Variants in LAMP3 observed in about 807,000 individuals in gnomAD.
The protein encoded by LAMP3 is lysosome-associated membrane glycoprotein 3.
In LAMP3, 26 loss-of-function variants were observed where a neutral mutation model predicts 34.8. The ratio of observed to expected loss-of-function variants is 0.75; its 90% CI spans 0.55 to 1.04. The LOEUF is 1.04. Among genes scored for constraint, LAMP3 ranks in the 50% least tolerant of loss-of-function variants. LAMP3 has a pLI of 0.00. For synonymous variants in LAMP3, 180 were observed against 201.9 expected, an observed-to-expected ratio of 0.89 and a Z score of 0.92; for missense variants, 495 against 524.0, an observed-to-expected ratio of 0.94 and a Z score of 0.54.
chr3:183,152,306 C>G, intron 3 of LAMP3, 69 bp downstream of exon 3: 1 of 1,492,030 alleles, frequency 6.7e-7, no homozygotes, highest in Non-Finnish European at 9.0e-7. Context: ...GTTGCACCAC[C>G]TGGCCCCAGG....
chr3:183,135,155 T>C (rs1720043788), intron 5 of LAMP3, among the ~76,000 whole-genome samples: 1 of 152,194 alleles, frequency 6.6e-6, no homozygotes, highest in Non-Finnish European at 1.5e-5. Flanking sequence ...AGGCAGAAGT[T>C]AGAGGGAAAC....
intron 1 of LAMP3, 37 bp from the exon 2 acceptor site, chr3:183,154,428 C>A: frequency 1.4e-6 from 2 of 1,464,270 alleles, no homozygotes; most frequent in Non-Finnish European, 1.9e-6. Flanking sequence ...AAAACACTAA[C>A]CGATTGCTTA....
rs754567183 is a variant in LAMP3, at chr3:183,153,727, T to C, written c.714A>G (p.Ile238Met). 1.3e-6 allele frequency: 2 copies of C among 1,533,860 alleles called. No homozygotes were observed. The highest frequency in any genetic ancestry group is 2.6e-5 in the South Asian group (2 of 76,584). ...YQVLNGSRLC[I>M]KAEMGIQLIV... ...TCAGCTGTATCCCCATCTCTGCTTT[T>C]ATACAGAGTCTGCTTCCGTTTAGAA... The change falls in exon 2 of 6, where the codon ATA becomes ATG. Residue 238 changes from isoleucine (I) to methionine (M), a missense_variant. By Grantham distance (10) the Ile-to-Met change is conservative. Coordinates refer to ENST00000265598, the MANE Select transcript of LAMP3 (RefSeq NM_014398.4).
intron 5 of LAMP3, among the ~76,000 whole-genome samples, chr3:183,128,603 G>T (rs1240541092): frequency 6.6e-6 from 1 of 152,074 alleles, no homozygotes; most frequent in Non-Finnish European, 1.5e-5. Flanking sequence ...GTGTTCCCAG[G>T]CCCATAATTG....
rs374312545 is a variant in LAMP3 at position 183,124,029 on chromosome 3, G to A, written c.*52C>T. On this transcript the variant is annotated 3_prime_UTR_variant, in exon 6 of 6. Coordinates refer to ENST00000265598, the MANE Select transcript of LAMP3 (RefSeq NM_014398.4). ...GAATTTCCCAACATCCATCCTGGAA[G>A]GGATGAAAGAGTTCTCTAAATTCCA... The A allele has an allele frequency of 9.1e-4, 1,452 of 1,595,334 alleles. 2 individuals are homozygous for A. The highest frequency in any genetic ancestry group is 1.1e-3 in the Non-Finnish European group (1,322 of 1,163,748).
chr3:183,140,844 TATTCAA>T (rs1720262190), intron 3 of LAMP3, among the ~76,000 whole-genome samples: 1 of 152,196 alleles, frequency 6.6e-6, no homozygotes, highest in Admixed American at 6.5e-5. Context: ...TAGGGCCTGG[TATTCAA>T]ATTCCACCAG....
chr3:183,151,305 T>C (rs2108609934), intron 3 of LAMP3, among the ~76,000 whole-genome samples: 1 of 152,224 alleles, frequency 6.6e-6, no homozygotes, highest in South Asian at 2.1e-4. Flanking sequence ...GGCAAGTCTC[T>C]CCCAGGGGAG....
In LAMP3 at chr3:183,127,879, C is replaced by T. The variant is rs981707782; in HGVS notation, c.1118-3665G>A. On this transcript the variant is annotated intron_variant, in intron 5 of 5. Coordinates refer to ENST00000265598, the MANE Select transcript of LAMP3 (RefSeq NM_014398.4). ...GGGCACGGTGGCTCACGCCTGTAAT[C>T]CCAGCACTTTGGGAGGCTGAGGCAG... Among the ~76,000 whole-genome samples, 14 of 152,228 alleles carry T rather than the reference C, an allele frequency of 9.2e-5. No individual in the cohort carries two copies. The East Asian group carries it at 2.7e-3, about 29-fold the overall frequency.
intron 3 of LAMP3, among the ~76,000 whole-genome samples, chr3:183,149,494 G>A (rs547475518): frequency 1.0e-3 from 140 of 139,702 alleles, no homozygotes; most frequent in Middle Eastern, 8.2e-3. Flanking sequence ...GCAGTGAGCC[G>A]AGATCGCACC....
chr3:183,159,515 G>C (rs899077611), intron 1 of LAMP3, among the ~76,000 whole-genome samples: 1 of 152,172 alleles, frequency 6.6e-6, no homozygotes, highest in African/African-American at 2.4e-5. Context: ...GGAGCCCCAC[G>C]GCCATGTCCA....
chr3:183,126,474 C>G (rs1719781816), intron 5 of LAMP3, among the ~76,000 whole-genome samples: 1 of 151,918 alleles, frequency 6.6e-6, no homozygotes, highest in African/African-American at 2.4e-5. Flanking sequence ...TCCAATCACC[C>G]CATTTCTTCT....
chr3:183,145,129 A>G (rs1720401753), intron 3 of LAMP3, among the ~76,000 whole-genome samples: 2 of 152,182 alleles, frequency 1.3e-5, no homozygotes, highest in Admixed American at 1.3e-4. Context: ...AAAAGCAACT[A>G]TCCCACCAGG....
At position 183,153,673 on chromosome 3, in the gene LAMP3, C is replaced by A. The variant is rs374033531; in HGVS notation, c.759+9G>T. Reference sequence around the variant, plus strand: ...AAGATAGTGTTATAGTCCTGTGGCCCCAACTTACCGACTCCTTGTCTTGAA... The same window carrying A: ...AAGATAGTGTTATAGTCCTGTGGCCACAACTTACCGACTCCTTGTCTTGAA... On this transcript the variant is annotated intron_variant, in intron 2 of 5. Coordinates refer to ENST00000265598, the MANE Select transcript of LAMP3 (RefSeq NM_014398.4). The A allele has an allele frequency of 4.0e-6, 6 of 1,508,976 alleles. No homozygotes were observed. The African/African-American group carries it at 5.6e-5, about 14-fold the overall frequency. The allele number at this position is 1,508,976 out of a possible 1,614,324, so 93.5% of individuals were successfully genotyped here. A position where few individuals can be genotyped will look rare whatever the true frequency, so the allele number is the denominator to read the frequency against.
At chr3:183,129,986 GGCCATCTACA>G (rs1389142689) in intron 5 of LAMP3, among the ~76,000 whole-genome samples, 3 of 152,110 alleles carry the variant, frequency 2.0e-5, no homozygotes, top group African/African-American at 7.2e-5. Flanking sequence ...TGAAGACACA[GGCCATCTACA>G]GCCAAGGAGA....
chr3:183,151,207 G>A (rs589445), intron 3 of LAMP3, among the ~76,000 whole-genome samples: 133,464 of 152,122 alleles, frequency 0.88, 58,659 homozygotes, highest in Middle Eastern at 0.92. Flanking sequence ...CTGAGATCAT[G>A]CAGCTAATCC....
At chr3:183,160,304 T>C (rs1720940177) in intron 1 of LAMP3, among the ~76,000 whole-genome samples, 1 of 152,230 alleles carries the variant, frequency 6.6e-6, no homozygotes, top group Non-Finnish European at 1.5e-5. Context: ...TGATTTTTGC[T>C]CATTTCCAAT....
chr3:183,161,314 C>T (rs898132503), intron 1 of LAMP3, among the ~76,000 whole-genome samples: 1 of 152,196 alleles, frequency 6.6e-6, no homozygotes, highest in African/African-American at 2.4e-5. Context: ...GAATTTGTAG[C>T]TCAGAAAGGA....
chr3:183,162,905 G>A (rs928057338), upstream of LAMP3: 19 of 490,078 alleles, frequency 3.9e-5, no homozygotes, highest in South Asian at 5.5e-4. Flanking sequence ...TACCGCACGC[G>A]CGTGGTCCCG....
At chr3:183,158,666 A>G (rs1376805831) in intron 1 of LAMP3, among the ~76,000 whole-genome samples, 2 of 152,082 alleles carry the variant, frequency 1.3e-5, no homozygotes, top group Non-Finnish European at 2.9e-5. Flanking sequence ...TGAGAAAGTC[A>G]GTGATCTCAC....
Sources: allele counts gnomAD v4.1 joint callset (sites outside exome capture counted in the v4.1 genomes callset), GRCh38; gene constraint gnomAD v4.1.1; transcripts MANE v1.5; gene names NCBI Gene and HGNC (gene_info 2026-07-23, HGNC 2026-07-21).